Variants in ENAH observed in about 807,000 individuals in gnomAD.
The protein encoded by ENAH is protein enabled homolog.
In ENAH, 23 loss-of-function variants were observed where a neutral mutation model predicts 78.7. That is an observed-to-expected ratio of 0.29 (90% CI 0.21 to 0.41). The LOEUF is 0.41. Ranked by LOEUF, ENAH falls within the 10% of genes least tolerant of loss-of-function variation. ENAH has a pLI of 1.00. For missense variants in ENAH, 544 were observed against 691.0 expected, an observed-to-expected ratio of 0.79 and a Z score of 2.39; for synonymous variants, 226 against 241.0, an observed-to-expected ratio of 0.94 and a Z score of 0.58.
At chr1:225,603,322 T>C (rs2096939719) in intron 1 of ENAH, among the ~76,000 whole-genome samples, 1 of 152,188 alleles carries the variant, frequency 6.6e-6, no homozygotes, top group Non-Finnish European at 1.5e-5. Flanking sequence ...CTTTATTATA[T>C]AGCGCTTGAG....
At chr1:225,578,532 G>A (rs1436530562) in intron 1 of ENAH, among the ~76,000 whole-genome samples, 3 of 152,184 alleles carry the variant, frequency 2.0e-5, no homozygotes, top group Non-Finnish European at 4.4e-5. Flanking sequence ...AGATTATCTA[G>A]GGTGGGAACC....
intron 3 of ENAH, among the ~76,000 whole-genome samples, chr1:225,551,115 G>A (rs1458922459): frequency 6.6e-6 from 1 of 152,036 alleles, no homozygotes; most frequent in Non-Finnish European, 1.5e-5. Context: ...CATTTCCATG[G>A]AGAAAGGAAA....
At chr1:225,503,765 T>C (rs1374466006) in intron 11 of ENAH, among the ~76,000 whole-genome samples, 1 of 151,848 alleles carries the variant, frequency 6.6e-6, no homozygotes, top group Non-Finnish European at 1.5e-5. Flanking sequence ...TTTTGATCAT[T>C]AATAGCATAA....
rs771348565 is a variant in ENAH, at chr1:225,512,942, G to A, written c.1293C>T (p.Gly431=). ...CTAAAGGAAGGGGTCCATTTCCACG[G>A]CCTGTATCTGTTTTAGATGAGGCGG... ...VNSASSKTDT[G]RGNGPLPLGG... The change falls in exon 8 of 14, where the codon GGC becomes GGT. Residue 431 remains glycine, a synonymous_variant. Coordinates refer to ENST00000366843, the MANE Select transcript of ENAH (RefSeq NM_018212.6). The A allele has an allele frequency of 6.2e-7, 1 of 1,613,856 alleles. No homozygotes were observed. Among genetic ancestry groups the A allele is most frequent in the Non-Finnish European group, 8.5e-7 (1 of 1,179,922 alleles).
chr1:225,560,199 C>T (rs1239910768), intron 2 of ENAH, among the ~76,000 whole-genome samples: 3 of 151,490 alleles, frequency 2.0e-5, no homozygotes, highest in East Asian at 1.9e-4. Flanking sequence ...GAGACAAGGG[C>T]TTCCTGTGCC....
At chr1:225,619,089 C>A (rs1345093296) in intron 1 of ENAH, among the ~76,000 whole-genome samples, 2 of 152,026 alleles carry the variant, frequency 1.3e-5, no homozygotes, top group African/African-American at 4.8e-5. Flanking sequence ...ATATACAACC[C>A]AGTACACACA....
At chr1:225,522,765 G>T (rs1043597199) in intron 4 of ENAH, among the ~76,000 whole-genome samples, 1 of 151,772 alleles carries the variant, frequency 6.6e-6, no homozygotes, top group African/African-American at 2.4e-5. Flanking sequence ...CAATCTGTTG[G>T]GCCCAAAGGG....
intron 1 of ENAH, 65 bp from the exon 2 acceptor site, chr1:225,567,479 G>C: frequency 6.7e-7 from 1 of 1,495,474 alleles, no homozygotes; most frequent in Non-Finnish European, 9.0e-7. Flanking sequence ...GTTCCACATA[G>C]CCACACAAAC....
chr1:225,500,945 A>T lies in ENAH; in HGVS notation c.1617+47T>A, dbSNP rs745717597. 9 of 1,549,586 alleles carry T rather than the reference A, an allele frequency of 5.8e-6. No homozygotes were observed. In the African/African-American group the frequency reaches 1.1e-4, roughly 19 times the overall value. On this transcript the variant is annotated intron_variant, in intron 12 of 13. Coordinates refer to ENST00000366843, the MANE Select transcript of ENAH (RefSeq NM_018212.6). ...AAGATATGCATATGGGATATTTTTT[A>T]AAAAGAAACAAGTACAAATAAAGGA...
intron 3 of ENAH, chr1:225,530,995 A>T: frequency 5.0e-6 from 2 of 401,110 alleles, no homozygotes; most frequent in Non-Finnish European, 8.8e-6. Context: ...GTAATTATTC[A>T]TGAAGTGGAG....
chr1:225,586,265 A>G (rs1345036389), intron 1 of ENAH, among the ~76,000 whole-genome samples: 1 of 150,136 alleles, frequency 6.7e-6, no homozygotes, highest in East Asian at 2.0e-4. Context: ...AAAAGGAAGA[A>G]AAAGAGGAGA....
chr1:225,639,348 AG>A (rs906492682), intron 1 of ENAH, among the ~76,000 whole-genome samples: 4 of 152,306 alleles, frequency 2.6e-5, no homozygotes, highest in East Asian at 3.9e-4. Flanking sequence ...TGATACCTTA[AG>A]AGAGCTGCTA....
rs1244072824 is a variant in ENAH, at chr1:225,551,074, T to C, written c.349+3832A>G. On this transcript the variant is annotated intron_variant, in intron 3 of 13. Transcript: ENST00000366843. ...ATAATAGAGAAATCAAAAATATCAC[T>C]TTAGGTAATACACCCATTTAAAATT... 3.3e-5 allele frequency among the ~76,000 whole-genome samples: 5 copies of C among 152,272 alleles called. No individual in the cohort carries two copies. The South Asian group carries it at 1.0e-3, about 32-fold the overall frequency.
At chr1:225,595,342 A>C (rs1317814381) in intron 1 of ENAH, among the ~76,000 whole-genome samples, 1 of 152,166 alleles carries the variant, frequency 6.6e-6, no homozygotes, top group African/African-American at 2.4e-5. Context: ...CAAAAAAAAA[A>C]AAAATTATCA....
rs1575750941 is a variant in ENAH at position 225,619,871 on chromosome 1, T to C, written c.5+32815A>G. Among the ~76,000 whole-genome samples the C allele has an allele frequency of 2.6e-5, 4 of 152,172 alleles. No individual in the cohort carries two copies. In the South Asian group the frequency reaches 8.3e-4, roughly 32 times the overall value. On this transcript the variant is annotated intron_variant, in intron 1 of 13. Coordinates refer to ENST00000366843, the MANE Select transcript of ENAH (RefSeq NM_018212.6). ...GAAATAAAAAGTACATAAATGATAA[T>C]AAATTTTAAAAATTCACTAAGCTAA... is the stretch of plus-strand genomic sequence containing the variant.
At chr1:225,514,448 T>A in intron 7 of ENAH, 148 bp downstream of exon 7, 1 of 742,926 alleles carries the variant, frequency 1.3e-6, no homozygotes, top group Non-Finnish European at 2.3e-6. Flanking sequence ...TATACAGGTA[T>A]GAGCCATTGC....
intron 1 of ENAH, among the ~76,000 whole-genome samples, chr1:225,596,729 GA>G (rs2096903521): frequency 6.6e-6 from 1 of 152,126 alleles, no homozygotes; most frequent in African/African-American, 2.4e-5. Context: ...AATACACTTT[GA>G]AAACTTGATT....
intron 1 of ENAH, chr1:225,652,391 G>C (rs999328339): frequency 1.0e-6 from 1 of 985,282 alleles, no homozygotes. Flanking sequence ...GCAAAGGCTT[G>C]GGGGAGGGAG....
intron 1 of ENAH, among the ~76,000 whole-genome samples, chr1:225,586,421 G>C (rs2096847303): frequency 6.6e-6 from 1 of 151,616 alleles, no homozygotes; most frequent in African/African-American, 2.4e-5. Context: ...AAATAGCTCA[G>C]GAAAAAACAG....
Sources: gnomAD v4.1 joint callset for allele counts (sites outside exome capture counted in the v4.1 genomes callset) on GRCh38, gnomAD v4.1.1 for gene constraint, MANE v1.5 for transcripts, NCBI Gene and HGNC (gene_info 2026-07-23, HGNC 2026-07-21) for gene names.